The following PPP1R9B variants were observed in gnomAD, a reference collection of about 807,000 sequenced individuals.
The protein encoded by PPP1R9B is neurabin-2.
In PPP1R9B, 17 loss-of-function variants were observed where a neutral mutation model predicts 75.8. The ratio of observed to expected loss-of-function variants is 0.22; its 90% confidence interval spans 0.15 to 0.34. The LOEUF (loss-of-function observed/expected upper bound fraction) is 0.34. PPP1R9B is among the 10% of genes least tolerant of loss of function. The probability of loss-of-function intolerance (pLI) is 1.00; values close to 1 mark genes in which losing one functional copy is unlikely to be tolerated. For missense variants in PPP1R9B, 875 were observed against 1,196.0 expected (o/e 0.73, Z 3.96); for synonymous variants, 509 against 535.4 (o/e 0.95, Z 0.68).
chr17:50,150,620 G>A lies in PPP1R9B; in HGVS notation c.-107C>T, dbSNP rs1430468541. The A allele has an allele frequency of 4.4e-6, 5 of 1,147,146 alleles. No homozygotes were observed. Among genetic ancestry groups the A allele is most frequent in the Non-Finnish European group, 5.4e-6 (5 of 925,918 alleles). The allele number at this position is 1,147,146 out of a possible 1,614,324, so 71.1% of individuals were successfully genotyped here. On this transcript the variant is annotated 5_prime_UTR_variant, in exon 1 of 10. Transcript: ENST00000612501. The surrounding 1 kb of genome is among the most constrained non-coding windows in gnomAD (Gnocchi z 8.7). ...CCCTCCCCCCGATAAAAGAAACCCC[G>A]AAGGCCTTTTTTAGGGTCCCCCCAA...
Position 50,150,280 on chromosome 17 carries a change from C to T in PPP1R9B, c.234G>A (p.Ala78=), listed in dbSNP as rs1281442642. ...AGPSGEAGGG[A]GLAEAPRASE... is the part of the protein sequence containing the mutation. ...ACGCCCGTGGGGCCTCGGCCAGGCC[C>T]GCGCCGCCGCCCGCCTCGCCCGAGG... is the stretch of plus-strand genomic sequence containing the variant. The change falls in exon 1 of 10, where the codon GCG becomes GCA. Residue 78 remains alanine, a synonymous_variant. Transcript: ENST00000612501. The surrounding 1 kb of genome is among the most constrained non-coding windows in gnomAD (Gnocchi z 8.7). The T allele has an allele frequency of 7.0e-6, 10 of 1,420,674 alleles. No individual in the cohort carries two copies. Among genetic ancestry groups the T allele is most frequent in the South Asian group, 4.4e-5 (3 of 68,066 alleles). The allele number at this position is 1,420,674 out of a possible 1,614,324, so 88.0% of individuals were successfully genotyped here. A position where few individuals can be genotyped will look rare whatever the true frequency, so the allele number is the denominator to read the frequency against.
At chr17:50,146,207 T>TG (rs879692464) in intron 1 of PPP1R9B, 2 of 152,304 alleles carry the variant, frequency 1.3e-5, no homozygotes, top group Admixed American at 6.5e-5. Context: ...ACAGAGAAGG[T>TG]GGGGCTGGGC....
At position 50,135,156 on chromosome 17, in the gene PPP1R9B, G is replaced by C. The variant is rs929231249; in HGVS notation, c.*175C>G. The C allele has an allele frequency of 1.6e-4, 99 of 618,352 alleles. No individual in the cohort carries two copies. Among genetic ancestry groups the C allele is most frequent in the Admixed American group, 3.3e-4 (13 of 39,404 alleles). The allele number at this position is 618,352 out of a possible 1,614,324, so 38.3% of individuals were successfully genotyped here. The stretch of plus-strand genomic sequence containing the variant: ...TCTGTCTGCCCAGGCCATCTTAAGG[G>C]GGCCTGTGATATGAGCCCTCTGGTC... On this transcript the variant is annotated 3_prime_UTR_variant, in exon 10 of 10. Transcript: ENST00000612501.
chr17:50,139,959 G>T lies in PPP1R9B; in HGVS notation c.1866+134C>A, dbSNP rs896988709. 26 of 982,082 alleles carry T rather than the reference G, an allele frequency of 2.6e-5. No individual in the cohort carries two copies. The highest frequency in any genetic ancestry group is 3.7e-5 in the Non-Finnish European group (25 of 677,052). The allele number at this position is 982,082 out of a possible 1,614,324, so 60.8% of individuals were successfully genotyped here. ...CTTGTCCGGCCTCTGAAGACAAAGA[G>T]TGTGACTGGAGGACAGGGAATGGCA... On this transcript the variant is annotated intron_variant, in intron 5 of 9. Transcript: ENST00000612501. This position sits in a 1 kb window ranked among gnomAD's most constrained non-coding sequence, Gnocchi z 5.0.
intron 1 of PPP1R9B, among the ~76,000 whole-genome samples, chr17:50,146,744 C>T (rs1238688152): frequency 6.6e-6 from 1 of 152,246 alleles, no homozygotes; most frequent in African/African-American, 2.4e-5. Flanking sequence ...GCCTACCTTG[C>T]ACATAGTCCA....
chr17:50,139,990 G>A lies in PPP1R9B; in HGVS notation c.1866+103C>T. The A allele has an allele frequency of 7.7e-7, 1 of 1,304,176 alleles. No individual in the cohort carries two copies. The highest frequency in any genetic ancestry group is 1.1e-6 in the Non-Finnish European group (1 of 951,218). 80.8% of individuals were successfully genotyped at this position (1,304,176 alleles called of 1,614,324 possible). A position where few individuals can be genotyped will look rare whatever the true frequency, so the allele number is the denominator to read the frequency against. On this transcript the variant is annotated intron_variant, in intron 5 of 9. Transcript: ENST00000612501. This position sits in a 1 kb window ranked among gnomAD's most constrained non-coding sequence, Gnocchi z 5.0. ...CTGGAGGACAGGGAATGGCACTGTGGGCTTTTTACTAGGGCAGGGGAAGCA... is the reference window on the plus strand; with the variant it reads ...CTGGAGGACAGGGAATGGCACTGTGAGCTTTTTACTAGGGCAGGGGAAGCA...
chr17:50,149,915 T>G lies in PPP1R9B; in HGVS notation c.599A>C (p.Asp200Ala). The change falls in exon 1 of 10, where the codon GAC becomes GCC. Residue 200 changes from aspartate to alanine, a missense_variant. Physicochemically the swap from Asp to Ala is moderately radical, Grantham distance 126. Transcript: ENST00000612501. The surrounding 1 kb of genome is among the most constrained non-coding windows in gnomAD (Gnocchi z 7.2). ...GACCGTGGGGGACACGGCGTCAGCG[T>G]CCAGCTTGTCCAGCGCCTCGGTGCT... is the stretch of plus-strand genomic sequence containing the variant. ...NGSTEALDKL[D>A]ADAVSPTVSQ... is the part of the protein sequence containing the mutation. 1 of 1,508,498 alleles carries G rather than the reference T, an allele frequency of 6.6e-7. No homozygotes were observed. The highest frequency in any genetic ancestry group is 8.8e-7 in the Non-Finnish European group (1 of 1,135,832). 93.4% of individuals were successfully genotyped at this position (1,508,498 alleles called of 1,614,324 possible). A position where few individuals can be genotyped will look rare whatever the true frequency, so the allele number is the denominator to read the frequency against.
In PPP1R9B at chr17:50,149,526, C is replaced by T; in HGVS notation, c.988G>A (p.Glu330Lys). 6.3e-7 allele frequency: 1 copy of T among 1,593,172 alleles called. No homozygotes were observed. The change falls in exon 1 of 10, where the codon GAG becomes AAG. Residue 330 changes from glutamate to lysine, a missense_variant. This residue lies in a region of PPP1R9B where 449 missense variants were observed against 475.0 expected (regional missense o/e 0.95). Coordinates refer to ENST00000612501, the MANE Select transcript of PPP1R9B (RefSeq NM_032595.5). The surrounding 1 kb of genome is among the most constrained non-coding windows in gnomAD (Gnocchi z 7.2). ...GCAGTTGCCACGGTGCTGCCATTCTCCAGGGCCGCGTGGACCGTAACCTCG... is the reference window on the plus strand; with the variant it reads ...GCAGTTGCCACGGTGCTGCCATTCTTCAGGGCCGCGTGGACCGTAACCTCG... ...QAEVTVHAAL[E>K]NGSTVATAAS...
At chr17:50,135,865 A>G in intron 8 of PPP1R9B, 103 bp downstream of exon 8, 1 of 1,024,636 alleles carries the variant, frequency 9.8e-7, no homozygotes, top group South Asian at 1.6e-5. Context: ...GGGGCCCTCC[A>G]ACTTCTGTGC....
rs761497336 is a variant in PPP1R9B, at chr17:50,135,614, C to T, written c.2339G>A (p.Arg780His). 2.0e-5 allele frequency: 33 copies of T among 1,610,736 alleles called. No individual in the cohort carries two copies. Among genetic ancestry groups the T allele is most frequent in the Non-Finnish European group, 2.6e-5 (31 of 1,178,458 alleles). ...CAGCTCCGACTCCTCCAGAACCCGA[C>T]GCTGTGCAGTCTCCTTTTTCAGGAA... ...IEFLKKETAQRRVLEESELAR... is the reference protein window; with the variant it reads ...IEFLKKETAQHRVLEESELAR... The change falls in exon 9 of 10, where the codon CGT becomes CAT. Residue 780 changes from arginine (R) to histidine (H), a missense_variant. Around this residue, in one of 4 missense-constraint regions of PPP1R9B, gnomAD observed 218 missense variants for 334.6 expected, o/e 0.65. Coordinates refer to ENST00000612501, the MANE Select transcript of PPP1R9B (RefSeq NM_032595.5).
intron 8 of PPP1R9B, 89 bp downstream of exon 8, chr17:50,135,879 C>A: frequency 9.1e-7 from 1 of 1,102,382 alleles, no homozygotes; most frequent in Non-Finnish European, 1.3e-6. Context: ...TCTGTGCCTC[C>A]CTACTCAGCT....
At chr17:50,140,512 G>A (rs1466327181) in intron 4 of PPP1R9B, among the ~76,000 whole-genome samples, 1 of 152,196 alleles carries the variant, frequency 6.6e-6, no homozygotes, top group African/African-American at 2.4e-5. Context: ...ATGCACTGAG[G>A]AGGCTCTTCC....
rs932060416 is a variant in PPP1R9B at position 50,133,768 on chromosome 17, C to T, written c.*1563G>A. 1 of 152,246 alleles carries T rather than the reference C, an allele frequency of 6.6e-6. No individual in the cohort carries two copies. The highest frequency in any genetic ancestry group is 1.5e-5 in the Non-Finnish European group (1 of 68,108). The allele number at this position is 152,246 out of a possible 1,614,324, so 9.4% of individuals were successfully genotyped here. A position where few individuals can be genotyped will look rare whatever the true frequency, so the allele number is the denominator to read the frequency against. ...GGCTGCTTTTATGGGGACGACCTGA[C>T]AGAGGGCATGGTCCGTACAAAACCG... On this transcript the variant is annotated 3_prime_UTR_variant, in exon 10 of 10. Coordinates refer to ENST00000612501, the MANE Select transcript of PPP1R9B (RefSeq NM_032595.5).
chr17:50,148,121 G>A (rs1912564143), intron 1 of PPP1R9B, among the ~76,000 whole-genome samples: 1 of 152,262 alleles, frequency 6.6e-6, no homozygotes, highest in African/African-American at 2.4e-5. Flanking sequence ...GGGAAGTGGG[G>A]GGAGGGGTGG....
At chr17:50,143,209 G>T (rs1380464786) in intron 3 of PPP1R9B, among the ~76,000 whole-genome samples, 1 of 152,014 alleles carries the variant, frequency 6.6e-6, no homozygotes, top group Non-Finnish European at 1.5e-5. Flanking sequence ...ACTTCCCAGG[G>T]CCCAGCACCG....
At chr17:50,145,605 A>C (rs931509871) in intron 1 of PPP1R9B, among the ~76,000 whole-genome samples, 5 of 152,196 alleles carry the variant, frequency 3.3e-5, no homozygotes, top group Admixed American at 2.6e-4. Flanking sequence ...GATAGGACCC[A>C]GAGAGCCAGA....
chr17:50,135,225 G>T lies in PPP1R9B; in HGVS notation c.*106C>A. 1 of 913,114 alleles carries T rather than the reference G, an allele frequency of 1.1e-6. No homozygotes were observed. The highest frequency in any genetic ancestry group is 1.5e-5 in the South Asian group (1 of 68,262). 56.6% of individuals were successfully genotyped at this position (913,114 alleles called of 1,614,324 possible). On this transcript the variant is annotated 3_prime_UTR_variant, in exon 10 of 10. Coordinates refer to ENST00000612501, the MANE Select transcript of PPP1R9B (RefSeq NM_032595.5). ...GGGGTGGAGGGGTGGGGGGAGTCGG[G>T]GCACCTGTCCCCAGGCTGGAAGGGG...
chr17:50,141,336 T>A lies in PPP1R9B; in HGVS notation c.1663A>T (p.Thr555Ser). The A allele has an allele frequency of 6.3e-7, 1 of 1,592,956 alleles. No homozygotes were observed. The highest frequency in any genetic ancestry group is 8.5e-7 in the Non-Finnish European group (1 of 1,170,456). ...CTCTGGGTCACTCCCACCAGACTTG[T>A]TCCATCCACCTCCACCAGGAGATCA... ...VNDLLVEVDGTSLVGVTQSFA... is the reference protein window; with the variant it reads ...VNDLLVEVDGSSLVGVTQSFA... The change falls in exon 4 of 10, where the codon ACA becomes TCA. Residue 555 changes from threonine to serine, a missense_variant. Thr to Ser is a moderately conservative substitution (Grantham distance 58). This residue lies in a region of PPP1R9B where 63 missense variants were observed against 160.2 expected (regional missense o/e 0.39). Transcript: ENST00000612501.
intron 9 of PPP1R9B, 62 bp downstream of exon 9, chr17:50,135,491 G>A (rs928950994): frequency 2.4e-5 from 38 of 1,582,014 alleles, no homozygotes; most frequent in Non-Finnish European, 3.1e-5. Flanking sequence ...AGGACCCACA[G>A]GGTAGGGGCT....
Sources: allele counts gnomAD v4.1 joint callset (sites outside exome capture counted in the v4.1 genomes callset), GRCh38; gene constraint gnomAD v4.1.1; regional missense constraint gnomAD v4.1.1; non-coding constraint Gnocchi (gnomAD v3.1); transcripts MANE v1.5; gene names NCBI Gene and HGNC (gene_info 2026-07-23, HGNC 2026-07-21).